Variants in DENND2A observed in about 807,000 individuals in gnomAD.
The protein encoded by DENND2A is DENN domain containing 2A.
Under a neutral mutation model 105.3 loss-of-function variants are expected in DENND2A, and 53 were observed. The observed-to-expected ratio is 0.50, with a 90% CI of 0.40 to 0.63. DENND2A has a LOEUF of 0.63. Among genes scored for constraint, DENND2A ranks in the 30% least tolerant of loss-of-function variants. DENND2A has a pLI of 0.00. For synonymous variants in DENND2A, 522 were observed against 508.4 expected (o/e 1.03, Z -0.36); for missense variants, 1,138 against 1,279.6 (o/e 0.89, Z 1.69).
intron 14 of DENND2A, among the ~76,000 whole-genome samples, chr7:140,536,355 A>G (rs1796454925): frequency 6.6e-6 from 1 of 150,642 alleles, no homozygotes; most frequent in Admixed American, 6.6e-5. Context: ...CCTCCATCTC[A>G]GGAAAAAAAA....
intron 3 of DENND2A, among the ~76,000 whole-genome samples, chr7:140,588,170 A>G (rs905267730): frequency 1.5e-4 from 23 of 151,990 alleles, no homozygotes; most frequent in African/African-American, 5.3e-4. Flanking sequence ...CTTGGCCTCC[A>G]AAAGTGCTGG....
intron 1 of DENND2A, among the ~76,000 whole-genome samples, chr7:140,631,195 T>C (rs1378499675): frequency 2.0e-5 from 3 of 152,240 alleles, no homozygotes; most frequent in African/African-American, 7.2e-5. Context: ...ACCTAAGATA[T>C]GGTTTCAGCA....
chr7:140,553,792 C>T (rs1447636322), intron 12 of DENND2A, among the ~76,000 whole-genome samples: 1 of 152,252 alleles, frequency 6.6e-6, no homozygotes, highest in Non-Finnish European at 1.5e-5. Context: ...CAGCACGTTT[C>T]AGAGAGCACG....
At chr7:140,566,643 A>G (rs1045995910) in intron 9 of DENND2A, among the ~76,000 whole-genome samples, 2 of 150,886 alleles carry the variant, frequency 1.3e-5, no homozygotes, top group Non-Finnish European at 2.9e-5. Context: ...CACGGTCAGC[A>G]CAGGGACCAC....
At chr7:140,590,885 A>G (rs574100704) in intron 3 of DENND2A, among the ~76,000 whole-genome samples, 3 of 152,024 alleles carry the variant, frequency 2.0e-5, no homozygotes, top group Non-Finnish European at 4.4e-5. Flanking sequence ...GGGAATAATA[A>G]TAATAATAAA....
intron 3 of DENND2A, among the ~76,000 whole-genome samples, chr7:140,588,282 C>T (rs1798870092): frequency 6.6e-6 from 1 of 152,064 alleles, no homozygotes; most frequent in Admixed American, 6.6e-5. Flanking sequence ...AATGTTCATG[C>T]TATTATGCTA....
chr7:140,602,019 C>T lies in DENND2A; in HGVS notation c.379G>A (p.Asp127Asn). The T allele has an allele frequency of 1.2e-6, 2 of 1,614,220 alleles. No individual in the cohort carries two copies. Among genetic ancestry groups the T allele is most frequent in the Non-Finnish European group, 1.7e-6 (2 of 1,180,034 alleles). ...ACTTCCCGTTCTGGCTGGCTTAGGTCTTGCCCCGGCTCTGGGTCCTGTCCC... is the reference window on the plus strand; with the variant it reads ...ACTTCCCGTTCTGGCTGGCTTAGGTTTTGCCCCGGCTCTGGGTCCTGTCCC... ...VGGQDPEPGQDLSQPEREVDP... is the reference protein window; with the variant it reads ...VGGQDPEPGQNLSQPEREVDP... Residue 127 changes from aspartate to asparagine, a missense_variant, in exon 3 of 20, where the codon GAC (aspartate) becomes AAC (asparagine). Transcript: ENST00000496613.
chr7:140,551,954 A>C (rs1482000592), intron 12 of DENND2A, among the ~76,000 whole-genome samples: 3 of 152,250 alleles, frequency 2.0e-5, no homozygotes, highest in African/African-American at 7.2e-5. Context: ...AGGACTGTGC[A>C]TCACAGAAAT....
At chr7:140,531,628 G>A (rs931365134) in intron 14 of DENND2A, among the ~76,000 whole-genome samples, 5 of 151,532 alleles carry the variant, frequency 3.3e-5, no homozygotes, top group African/African-American at 9.7e-5. Context: ...GAGAAACCCC[G>A]TCTCTACTAA....
intron 12 of DENND2A, among the ~76,000 whole-genome samples, chr7:140,553,307 A>G (rs1797215232): frequency 6.6e-6 from 1 of 152,232 alleles, no homozygotes; most frequent in African/African-American, 2.4e-5. Flanking sequence ...AGATATGCAT[A>G]CACATAAACA....
At chr7:140,634,684 A>G (rs1800854589) in intron 1 of DENND2A, among the ~76,000 whole-genome samples, 1 of 152,096 alleles carries the variant, frequency 6.6e-6, no homozygotes, top group Non-Finnish European at 1.5e-5. Flanking sequence ...CAGCCTGGCC[A>G]ACATGGTGAA....
At chr7:140,582,527 C>T (rs1206518587) in intron 5 of DENND2A, among the ~76,000 whole-genome samples, 1 of 152,236 alleles carries the variant, frequency 6.6e-6, no homozygotes, top group Non-Finnish European at 1.5e-5. Flanking sequence ...TTCTTGATGA[C>T]ACCCTTTTCC....
Position 140,605,733 on chromosome 7 carries a change from C to G in DENND2A, c.-174G>C, listed in dbSNP as rs1313385396. 6.6e-6 allele frequency: 1 copy of G among 152,322 alleles called. No individual in the cohort carries two copies. The highest frequency in any genetic ancestry group is 2.4e-5 in the African/African-American group (1 of 41,434). The allele number at this position is 152,322 out of a possible 1,614,324, so 9.4% of individuals were successfully genotyped here. The stretch of plus-strand genomic sequence containing the variant: ...TCAGCCAATTTGTAGCTCAGGTTTT[C>G]AGTCTGGCTGTGGCTGCCCTTGGCC... On this transcript the variant is annotated 5_prime_UTR_variant, in exon 2 of 20. Transcript: ENST00000496613.
rs187576670 is a variant in DENND2A, at chr7:140,621,801, T to C, written c.-247-15995A>G. On this transcript the variant is annotated intron_variant, in intron 1 of 19. Coordinates refer to ENST00000496613, the MANE Select transcript of DENND2A (RefSeq NM_015689.5). ...GATAAGCAAAACAGGTGAAAGTGAA[T>C]GCCACTTGTGGAAGAGCAGCCCTGA... Among the ~76,000 whole-genome samples the C allele has an allele frequency of 2.6e-5, 4 of 152,332 alleles. No individual in the cohort carries two copies. In the East Asian group the frequency reaches 5.8e-4, roughly 22 times the overall value.
At chr7:140,542,766 A>G (rs369612993) in intron 14 of DENND2A, among the ~76,000 whole-genome samples, 1 of 151,794 alleles carries the variant, frequency 6.6e-6, no homozygotes, top group Non-Finnish European at 1.5e-5. Context: ...GGGTTTCACC[A>G]TGTTGTTCAG....
At chr7:140,637,161 C>CTTTTTTTTTTTTT (rs1418826265) in intron 1 of DENND2A, among the ~76,000 whole-genome samples, 6 of 143,372 alleles carry the variant, frequency 4.2e-5, no homozygotes, top group Non-Finnish European at 6.3e-5. Flanking sequence ...ATTTCTTTTA[C>CTTTTTTTTTTTTT]TTTTTATAGA....
chr7:140,538,023 C>T lies in DENND2A; in HGVS notation c.2327+6595G>A, dbSNP rs115022100. Among the ~76,000 whole-genome samples, 908 of 152,340 alleles carry T rather than the reference C, an allele frequency of 6.0e-3. 5 individuals are homozygous for T. Among genetic ancestry groups the T allele is most frequent in the African/African-American group, 0.02 (826 of 41,584 alleles). Reference sequence around the variant, plus strand: ...CACAACAGCATTCTTTCCTTTCCATCTGTCAAACTCTTGCTTGACAGAGCC... The same window carrying T: ...CACAACAGCATTCTTTCCTTTCCATTTGTCAAACTCTTGCTTGACAGAGCC... On this transcript the variant is annotated intron_variant, in intron 14 of 19. Transcript: ENST00000496613.
rs922389877 is a variant in DENND2A at position 140,559,877 on chromosome 7, G to A, written c.1780-60C>T. ...AAATCTCAGCATGGGAAATTGAGGC[G>A]GATGATGGTAAGGATGGCCTCTCCC... On this transcript the variant is annotated intron_variant, in intron 9 of 19. Coordinates refer to ENST00000496613, the MANE Select transcript of DENND2A (RefSeq NM_015689.5). The surrounding 1 kb of genome is among the most constrained non-coding windows in gnomAD (Gnocchi z 4.1). 1.0e-5 allele frequency: 13 copies of A among 1,297,412 alleles called. No individual in the cohort carries two copies. The highest frequency in any genetic ancestry group is 2.9e-5 in the African/African-American group (2 of 68,734). The allele number at this position is 1,297,412 out of a possible 1,614,324, so 80.4% of individuals were successfully genotyped here.
chr7:140,613,136 C>T (rs1799960346), intron 1 of DENND2A, among the ~76,000 whole-genome samples: 1 of 151,416 alleles, frequency 6.6e-6, no homozygotes, highest in African/African-American at 2.4e-5. Context: ...AAAGGTTTAG[C>T]TGAGTACAGT....
Sources: gnomAD v4.1 joint callset for allele counts (sites outside exome capture counted in the v4.1 genomes callset) on GRCh38, gnomAD v4.1.1 for gene constraint, Gnocchi (gnomAD v3.1) non-coding constraint, MANE v1.5 for transcripts, NCBI Gene and HGNC (gene_info 2026-07-23, HGNC 2026-07-21) for gene names.